The following SREBF2 variants were observed in gnomAD, a reference collection of about 807,000 sequenced individuals.
SREBF2 encodes sterol regulatory element-binding protein 2.
Under a neutral mutation model 113.1 loss-of-function variants are expected in SREBF2, and 55 were observed. That is an observed-to-expected ratio of 0.49 (90% CI 0.39 to 0.61). The LOEUF (loss-of-function observed/expected upper bound fraction) is 0.61. Ranked by LOEUF, SREBF2 falls within the 20% of genes least tolerant of loss-of-function variation. The probability of loss-of-function intolerance (pLI) is 0.00; values close to 1 mark genes in which losing one functional copy is unlikely to be tolerated. For synonymous variants in SREBF2, 593 were observed against 605.7 expected (o/e 0.98, Z 0.31); for missense variants, 1,349 against 1,487.4 (o/e 0.91, Z 1.53).
At chr22:41,905,153 A>G (rs561629736) in intron 18 of SREBF2, among the ~76,000 whole-genome samples, 179 bp downstream of exon 18, 210 of 152,322 alleles carry the variant, frequency 1.4e-3, no homozygotes, top group African/African-American at 4.6e-3. Context: ...TGGGGTGGTC[A>G]TGGGTCATGC....
Position 41,904,973 on chromosome 22 carries a change from C to T in SREBF2, c.3204C>T (p.His1068=), listed in dbSNP as rs140003275. Residue 1068 remains histidine, a splice_region_variant and synonymous_variant, in exon 18 of 19, where the codon CAC becomes CAT. Transcript: ENST00000361204. Reference sequence around the variant, plus strand: ...GGCGCACCACGCAGAGCACCAAGCACGGTGAGTCCACCCCTCCCCAGCTCA... The same window carrying T: ...GGCGCACCACGCAGAGCACCAAGCATGGTGAGTCCACCCCTCCCCAGCTCA... ...LRRRTTQSTK[H]GEVDAWPGQR... 3.8e-5 allele frequency: 61 copies of T among 1,589,256 alleles called. No homozygotes were observed. Among genetic ancestry groups the T allele is most frequent in the African/African-American group, 1.5e-4 (11 of 74,724 alleles).
At chr22:41,875,849 A>T (rs748640328) in intron 7 of SREBF2, 125 bp downstream of exon 7, 6 of 1,103,460 alleles carry the variant, frequency 5.4e-6, no homozygotes, top group Non-Finnish European at 8.1e-6. Flanking sequence ...GAAAAACAGG[A>T]ATTCTGTGAA....
chr22:41,898,827 T>C, intron 15 of SREBF2, 46 bp downstream of exon 15: 2 of 1,609,868 alleles, frequency 1.2e-6, no homozygotes, highest in Non-Finnish European at 1.7e-6. Context: ...TCCAGGGGAA[T>C]CTTGTTTGAG....
At chr22:41,899,983 AG>A in intron 15 of SREBF2, 1 of 1,217,460 alleles carries the variant, frequency 8.2e-7, no homozygotes, top group South Asian at 1.6e-5. Context: ...GGTCCCTTAA[AG>A]AACGGGTACA....
In SREBF2 at chr22:41,863,520, C is replaced by G. The variant is rs62240962; in HGVS notation, c.89-3311C>G. Among the ~76,000 whole-genome samples the G allele has an allele frequency of 1.3e-3, 195 of 152,250 alleles. 3 individuals are homozygous for G. The East Asian group carries it at 0.034, about 26-fold the overall frequency. ...TCTTAAAGCATTTTATAATCTTGTA[C>G]TTGGAGTGTGTCAGCACTAAATTAT... On this transcript the variant is annotated intron_variant, in intron 1 of 18. Coordinates refer to ENST00000361204, the MANE Select transcript of SREBF2 (RefSeq NM_004599.4).
chr22:41,894,725 A>G, intron 12 of SREBF2, 95 bp from the exon 13 acceptor site: 1 of 1,063,496 alleles, frequency 9.4e-7, no homozygotes, highest in Non-Finnish European at 1.5e-6. Context: ...ATCCCCATTC[A>G]CAAGGCATGG....
In SREBF2 at chr22:41,833,348, A is replaced by G; in HGVS notation, c.78A>G (p.Gly26=). 8 of 874,564 alleles carry G rather than the reference A, an allele frequency of 9.1e-6. No homozygotes were observed. In the South Asian group the frequency reaches 1.1e-4, roughly 12 times the overall value. The allele number at this position is 874,564 out of a possible 1,614,324, so 54.2% of individuals were successfully genotyped here. A position where few individuals can be genotyped will look rare whatever the true frequency, so the allele number is the denominator to read the frequency against. The change falls in exon 1 of 19, where the codon GGA becomes GGG. Residue 26 remains glycine, a synonymous_variant. Coordinates refer to ENST00000361204, the MANE Select transcript of SREBF2 (RefSeq NM_004599.4). This position sits in a 1 kb window ranked among gnomAD's most constrained non-coding sequence, Gnocchi z 4.1. ...AGCTGGGCGACGAGCTGACCCTGGG[A>G]GACATCGACGGTGAGTGGTGGGTGG... ...LTELGDELTL[G]DIDEMLQFVS...
At chr22:41,884,703 G>C in intron 10 of SREBF2, 139 bp from the exon 11 acceptor site, 1 of 872,520 alleles carries the variant, frequency 1.1e-6, no homozygotes, top group Non-Finnish European at 1.9e-6. Flanking sequence ...ATCCCATCCT[G>C]TGATCAGGCC....
intron 13 of SREBF2, among the ~76,000 whole-genome samples, chr22:41,895,754 T>G (rs562588694): frequency 6.6e-6 from 1 of 152,218 alleles, no homozygotes; most frequent in South Asian, 2.1e-4. Flanking sequence ...CATTTTTATG[T>G]ATCCCTTTAC....
chr22:41,859,406 G>A (rs1438922374), intron 1 of SREBF2, among the ~76,000 whole-genome samples: 1 of 152,152 alleles, frequency 6.6e-6, no homozygotes, highest in Non-Finnish European at 1.5e-5. Context: ...GATGTTTAAG[G>A]TGCCTGTGTA....
Position 41,866,904 on chromosome 22 carries a change from T to C in SREBF2, c.162T>C (p.Phe54=). The C allele has an allele frequency of 6.2e-7, 1 of 1,614,082 alleles. No individual in the cohort carries two copies. The highest frequency in any genetic ancestry group is 8.5e-7 in the Non-Finnish European group (1 of 1,180,040). ...DLFSEQLCSS[F]PGSGGSGSSS... is the part of the protein sequence containing the mutation. ...TTTCAGAACAGCTGTGTAGCTCCTTTCCTGGCAGTGGTGGTAGTGGTAGCA... is the reference window on the plus strand; with the variant it reads ...TTTCAGAACAGCTGTGTAGCTCCTTCCCTGGCAGTGGTGGTAGTGGTAGCA... Residue 54 remains phenylalanine, a synonymous_variant, in exon 2 of 19, where the codon TTT becomes TTC. Transcript: ENST00000361204.
chr22:41,896,391 ACT>A (rs2077417233), intron 13 of SREBF2, among the ~76,000 whole-genome samples: 1 of 151,896 alleles, frequency 6.6e-6, no homozygotes, highest in East Asian at 1.9e-4. Flanking sequence ...ACAGTGTCTC[ACT>A]CTGTCACCCA....
intron 15 of SREBF2, chr22:41,899,672 A>T: frequency 1.5e-6 from 1 of 688,200 alleles, no homozygotes; most frequent in Non-Finnish European, 1.8e-6. Context: ...CCGGTATAGC[A>T]TTCCACCTGT....
intron 1 of SREBF2, among the ~76,000 whole-genome samples, chr22:41,864,261 T>TATACACACACACACAC (rs1204150898): frequency 3.9e-5 from 2 of 51,008 alleles, no homozygotes; most frequent in African/African-American, 7.6e-5. Context: ...TATATATATA[T>TATACACACACACACAC]ACACACACAC....
intron 10 of SREBF2, among the ~76,000 whole-genome samples, chr22:41,884,539 C>T (rs1379697003): frequency 6.6e-6 from 1 of 152,224 alleles, no homozygotes; most frequent in Non-Finnish European, 1.5e-5. Context: ...TGTGGCTGTG[C>T]TGCTGACATT....
Position 41,885,016 on chromosome 22 carries a change from G to T in SREBF2, c.2208+5G>T. On this transcript the variant is annotated splice_donor_5th_base_variant and intron_variant, in intron 11 of 18. Transcript: ENST00000361204. ...GGCAAGCTGGGCTTCCTGGCCGTGAGTACCCTTCGGTTCCCTTCTGTAAAC... is the reference window on the plus strand; with the variant it reads ...GGCAAGCTGGGCTTCCTGGCCGTGATTACCCTTCGGTTCCCTTCTGTAAAC... 1.2e-6 allele frequency: 2 copies of T among 1,614,022 alleles called. No individual in the cohort carries two copies. The highest frequency in any genetic ancestry group is 8.5e-7 in the Non-Finnish European group (1 of 1,179,996).
intron 2 of SREBF2, 117 bp downstream of exon 2, chr22:41,867,397 T>A: frequency 1.8e-6 from 2 of 1,134,116 alleles, no homozygotes; most frequent in South Asian, 1.3e-5. Flanking sequence ...AATATGGTCC[T>A]GTCTGAATGA....
intron 1 of SREBF2, among the ~76,000 whole-genome samples, chr22:41,851,356 G>A (rs2413660): frequency 0.34 from 51,738 of 151,428 alleles, 9,869 homozygotes; most frequent in Non-Finnish European, 0.43. Context: ...TTAAATTTAT[G>A]TTTAAAAAAA....
intron 1 of SREBF2, among the ~76,000 whole-genome samples, chr22:41,844,631 G>T (rs1342519544): frequency 6.6e-6 from 1 of 152,158 alleles, no homozygotes; most frequent in Non-Finnish European, 1.5e-5. Context: ...AATTGCTAAT[G>T]GATATGTATC....
Sources: allele counts gnomAD v4.1 joint callset (sites outside exome capture counted in the v4.1 genomes callset), GRCh38; gene constraint gnomAD v4.1.1; non-coding constraint Gnocchi (gnomAD v3.1); transcripts MANE v1.5; gene names NCBI Gene and HGNC (gene_info 2026-07-23, HGNC 2026-07-21).